The following PLXNA4 variants were observed in gnomAD, a reference collection of about 807,000 sequenced individuals.
PLXNA4 encodes plexin A4, also known as plexin-A4.
In PLXNA4, 44 loss-of-function variants were observed where a neutral mutation model predicts 191.8. That is an observed-to-expected ratio of 0.23 (90% CI 0.18 to 0.29). The LOEUF (loss-of-function observed/expected upper bound fraction) is 0.29. Ranked by LOEUF, PLXNA4 falls within the 10% of genes least tolerant of loss-of-function variation. The pLI is 1.00. For missense variants in PLXNA4, 1,800 were observed against 2,488.8 expected, an observed-to-expected ratio of 0.72 and a Z score of 5.89; for synonymous variants, 1,082 against 1,009.5, an observed-to-expected ratio of 1.07 and a Z score of -1.36.
chr7:132,545,567 AG>A (rs1394339206), intron 1 of PLXNA4, among the ~76,000 whole-genome samples: 1 of 152,214 alleles, frequency 6.6e-6, no homozygotes, highest in African/African-American at 2.4e-5. Flanking sequence ...GGTTGACCCA[AG>A]GTTTTTCTTT....
At chr7:132,577,164 G>T (rs1416363958), upstream of PLXNA4, 2 of 146,688 alleles carry the variant, frequency 1.4e-5, no homozygotes, top group Non-Finnish European at 3.0e-5. Flanking sequence ...TCGGCCGCGG[G>T]CCGAGCCGGG....
chr7:132,253,756 C>A (rs769866800), intron 4 of PLXNA4, among the ~76,000 whole-genome samples: 1 of 150,692 alleles, frequency 6.6e-6, no homozygotes, highest in Non-Finnish European at 1.5e-5. Flanking sequence ...AGTGATGTCA[C>A]CTGTCCGCCC....
intron 2 of PLXNA4, among the ~76,000 whole-genome samples, chr7:132,643,792 A>T (rs571917095): frequency 1.3e-5 from 2 of 152,218 alleles, no homozygotes; most frequent in Admixed American, 6.5e-5. Flanking sequence ...CTATAAAAAA[A>T]TTTTAAAAAA....
chr7:132,549,217 T>C (rs1218668209), intron 1 of PLXNA4, among the ~76,000 whole-genome samples: 1 of 152,190 alleles, frequency 6.6e-6, no homozygotes, highest in Non-Finnish European at 1.5e-5. Flanking sequence ...TGCTTTACTT[T>C]ATGGACTTGC....
intron 30 of PLXNA4, among the ~76,000 whole-genome samples, chr7:132,138,484 T>A (rs1373406131): frequency 1.3e-5 from 2 of 152,050 alleles, no homozygotes; most frequent in African/African-American, 4.8e-5. Flanking sequence ...CCTCTGGGAG[T>A]GGGAGTGGAC....
chr7:132,304,853 A>G (rs1310527007), intron 3 of PLXNA4, among the ~76,000 whole-genome samples: 1 of 150,146 alleles, frequency 6.7e-6, no homozygotes, highest in Non-Finnish European at 1.5e-5. Context: ...AAGCTACAGC[A>G]CAGTGCAGTG....
At chr7:132,467,769 C>T (rs1232324421) in intron 3 of PLXNA4, among the ~76,000 whole-genome samples, 2 of 152,168 alleles carry the variant, frequency 1.3e-5, no homozygotes, top group East Asian at 1.9e-4. Context: ...CTTTCTAATA[C>T]TTCAAATAAC....
At chr7:132,225,531 T>A (rs1584868801) in intron 8 of PLXNA4, among the ~76,000 whole-genome samples, 1 of 151,868 alleles carries the variant, frequency 6.6e-6, no homozygotes, top group South Asian at 2.1e-4. Flanking sequence ...GCCTCGGCCC[T>A]CCCCACCTGC....
intron 4 of PLXNA4, among the ~76,000 whole-genome samples, chr7:132,250,025 T>C (rs1799190003): frequency 6.6e-6 from 1 of 152,208 alleles, no homozygotes; most frequent in Admixed American, 6.5e-5. Context: ...TAGTTTTATC[T>C]CAGGGACAAG....
In PLXNA4 at chr7:132,129,361, T is replaced by G. The variant is rs183425288; in HGVS notation, c.*1118A>C. ...TCATCTGCATAGCAATGGCACCGGA[T>G]TCTGCAGAGGGAACAGGGACTAGGC... On this transcript the variant is annotated 3_prime_UTR_variant, in exon 32 of 32. Coordinates refer to ENST00000321063, the MANE Select transcript of PLXNA4 (RefSeq NM_020911.2). The G allele has an allele frequency of 6.6e-6, 1 of 152,368 alleles. No homozygotes were observed. Among genetic ancestry groups the G allele is most frequent in the Non-Finnish European group, 1.5e-5 (1 of 68,054 alleles). 9.4% of individuals were successfully genotyped at this position (152,368 alleles called of 1,614,324 possible).
chr7:132,145,027 C>A, intron 29 of PLXNA4, 92 bp downstream of exon 29: 1 of 1,585,334 alleles, frequency 6.3e-7, no homozygotes, highest in South Asian at 1.1e-5. Context: ...CTGGCCAGCC[C>A]TTCTCCTGGA....
At chr7:132,388,381 G>A (rs781762262) in intron 3 of PLXNA4, among the ~76,000 whole-genome samples, 8 of 152,092 alleles carry the variant, frequency 5.3e-5, no homozygotes, top group Non-Finnish European at 1.2e-4. Context: ...AAGTCACCCA[G>A]CCACATTGTG....
At chr7:132,594,907 ATAGG>A (rs1459247885) in intron 2 of PLXNA4, among the ~76,000 whole-genome samples, 3 of 127,250 alleles carry the variant, frequency 2.4e-5, no homozygotes, top group East Asian at 2.3e-4. Context: ...ACATAGATAG[ATAGG>A]TAGATAGATA....
chr7:132,156,135 T>TACACACACAC (rs57153762), intron 25 of PLXNA4, among the ~76,000 whole-genome samples: 3,863 of 133,032 alleles, frequency 0.029, 174 homozygotes, highest in African/African-American at 0.086. Flanking sequence ...TTTCTGGACA[T>TACACACACAC]ACACACACAC....
At chr7:132,194,612 G>A (rs1046344737) in intron 13 of PLXNA4, among the ~76,000 whole-genome samples, 1 of 152,184 alleles carries the variant, frequency 6.6e-6, no homozygotes, top group South Asian at 2.1e-4. Context: ...CCCCACCTGG[G>A]AGCTTTCTGC....
At chr7:132,647,716 A>C (rs1376134485) in intron 1 of PLXNA4, among the ~76,000 whole-genome samples, 1 of 151,388 alleles carries the variant, frequency 6.6e-6, no homozygotes, top group Non-Finnish European at 1.5e-5. Flanking sequence ...CACAGTCACA[A>C]TATACTCACA....
intron 3 of PLXNA4, among the ~76,000 whole-genome samples, chr7:132,486,003 C>T (rs1172588778): frequency 2.6e-5 from 4 of 152,188 alleles, no homozygotes; most frequent in African/African-American, 9.7e-5. Flanking sequence ...ACCCCTGAAA[C>T]CCACAGCAAA....
chr7:132,374,717 A>G (rs1804588186), intron 3 of PLXNA4, among the ~76,000 whole-genome samples: 1 of 152,238 alleles, frequency 6.6e-6, no homozygotes, highest in Non-Finnish European at 1.5e-5. Context: ...TGCCCCCAAG[A>G]AAACAGAAAA....
At chr7:132,455,498 ACC>A (rs753591874) in intron 3 of PLXNA4, among the ~76,000 whole-genome samples, 42 of 152,004 alleles carry the variant, frequency 2.8e-4, no homozygotes, top group Non-Finnish European at 4.9e-4. Context: ...GACATGCCAA[ACC>A]CCAATGCACT....
Sources: gnomAD v4.1 joint callset for allele counts (sites outside exome capture counted in the v4.1 genomes callset) on GRCh38, gnomAD v4.1.1 for gene constraint, MANE v1.5 for transcripts, NCBI Gene and HGNC (gene_info 2026-07-23, HGNC 2026-07-21) for gene names.